NOL4: variants seen among roughly 807,000 people sequenced by gnomAD.
NOL4 encodes nucleolar protein 4.
NOL4 carries 17 observed loss-of-function variants against 75.9 expected under a neutral mutation model. The observed-to-expected ratio is 0.22, with a 90% CI of 0.15 to 0.34. The LOEUF is 0.34. NOL4 is among the 10% of genes least tolerant of loss of function. The pLI is 1.00. For synonymous variants in NOL4, 292 were observed against 289.9 expected, an observed-to-expected ratio of 1.01 and a Z score of -0.07; for missense variants, 614 against 793.5, an observed-to-expected ratio of 0.77 and a Z score of 2.72.
At chr18:34,041,226 T>C (rs1444170053) in intron 5 of NOL4, among the ~76,000 whole-genome samples, 1 of 151,486 alleles carries the variant, frequency 6.6e-6, no homozygotes, top group Non-Finnish European at 1.5e-5. Flanking sequence ...AAATCAAGTC[T>C]TGAGGTCAAC....
At chr18:33,963,261 A>G (rs1276533533) in intron 6 of NOL4, among the ~76,000 whole-genome samples, 1 of 152,148 alleles carries the variant, frequency 6.6e-6, no homozygotes, top group Non-Finnish European at 1.5e-5. Context: ...CATATCCCTC[A>G]CAGAATCCAA....
chr18:33,901,468 T>TTG (rs2065745250), intron 9 of NOL4, among the ~76,000 whole-genome samples: 1 of 152,084 alleles, frequency 6.6e-6, no homozygotes, highest in Non-Finnish European at 1.5e-5. Flanking sequence ...AGTGAAAGAA[T>TTG]TGAGTACATG....
At chr18:34,031,255 G>A (rs1568244892) in intron 5 of NOL4, among the ~76,000 whole-genome samples, 1 of 152,168 alleles carries the variant, frequency 6.6e-6, no homozygotes, top group African/African-American at 2.4e-5. Flanking sequence ...CCCTACTGCA[G>A]TGCTTCTCAA....
At position 34,154,254 on chromosome 18, in the gene NOL4, T is replaced by C. The variant is rs566303464; in HGVS notation, c.265-24234A>G. 3.3e-5 allele frequency among the ~76,000 whole-genome samples: 5 copies of C among 152,112 alleles called. No homozygotes were observed. The East Asian group carries it at 9.7e-4, about 29-fold the overall frequency. On this transcript the variant is annotated intron_variant, in intron 1 of 10. Transcript: ENST00000261592. ...AGTCTTTAAAAAAATAATTGAAATA[T>C]AACTAAGACAAAATGCACAAAATAT... is the stretch of plus-strand genomic sequence containing the variant.
chr18:34,221,787 T>A (rs2037325008), intron 1 of NOL4, among the ~76,000 whole-genome samples: 1 of 152,006 alleles, frequency 6.6e-6, no homozygotes, highest in South Asian at 2.1e-4. Flanking sequence ...AATAATGCTT[T>A]AAAAAAAACT....
At chr18:33,921,458 T>C (rs888576374) in intron 9 of NOL4, among the ~76,000 whole-genome samples, 7 of 152,182 alleles carry the variant, frequency 4.6e-5, no homozygotes, top group Middle Eastern at 3.2e-3. Context: ...TACCTATCAA[T>C]GTGATCTGAA....
chr18:34,026,630 C>A (rs1395147865), intron 5 of NOL4, among the ~76,000 whole-genome samples: 1 of 152,156 alleles, frequency 6.6e-6, no homozygotes, highest in Non-Finnish European at 1.5e-5. Flanking sequence ...GATATAATTT[C>A]TTTTCCTTTA....
intron 10 of NOL4, among the ~76,000 whole-genome samples, chr18:33,853,988 T>C (rs185239391): frequency 6.6e-6 from 1 of 152,282 alleles, no homozygotes; most frequent in Non-Finnish European, 1.5e-5. Flanking sequence ...ACTTCTTAGC[T>C]GACATTAAGC....
chr18:33,882,116 A>T (rs1246634477), intron 10 of NOL4, among the ~76,000 whole-genome samples: 3 of 152,218 alleles, frequency 2.0e-5, no homozygotes, highest in African/African-American at 7.2e-5. Context: ...AAGAAAACCT[A>T]GGCATTACCA....
intron 1 of NOL4, among the ~76,000 whole-genome samples, chr18:34,144,142 T>C (rs2081304982): frequency 6.6e-6 from 1 of 152,064 alleles, no homozygotes; most frequent in African/African-American, 2.4e-5. Flanking sequence ...TATATAAAAA[T>C]AATTATTCAT....
chr18:33,900,248 C>T (rs1015632684), intron 9 of NOL4, among the ~76,000 whole-genome samples: 1 of 152,088 alleles, frequency 6.6e-6, no homozygotes, highest in Non-Finnish European at 1.5e-5. Flanking sequence ...GGCTCTTAAA[C>T]AACCAGCTCT....
chr18:33,977,802 C>T (rs180868466), intron 6 of NOL4, among the ~76,000 whole-genome samples: 1 of 152,188 alleles, frequency 6.6e-6, no homozygotes, highest in Non-Finnish European at 1.5e-5. Flanking sequence ...CAGACAAAAT[C>T]CCCCCAATCT....
At chr18:34,222,113 T>C (rs925317372) in intron 1 of NOL4, 67 of 1,534,370 alleles carry the variant, frequency 4.4e-5, no homozygotes, top group Non-Finnish European at 5.4e-5. Context: ...TCGACGCTGC[T>C]GCGGCTCCCC....
intron 2 of NOL4, among the ~76,000 whole-genome samples, chr18:34,107,310 T>G (rs1348938455): frequency 1.3e-5 from 2 of 152,166 alleles, no homozygotes; most frequent in Admixed American, 1.3e-4. Flanking sequence ...ATGTTTGTGT[T>G]CATGTATACA....
chr18:34,180,750 T>C (rs1212273645), intron 1 of NOL4, among the ~76,000 whole-genome samples: 1 of 151,558 alleles, frequency 6.6e-6, no homozygotes, highest in Admixed American at 6.6e-5. Context: ...TAATAAATGA[T>C]GTCAATATTT....
At chr18:34,052,490 A>G (rs2076665902) in intron 5 of NOL4, among the ~76,000 whole-genome samples, 1 of 152,096 alleles carries the variant, frequency 6.6e-6, no homozygotes, top group South Asian at 2.1e-4. Flanking sequence ...AAACACAAAC[A>G]TAGAGGAAAA....
At chr18:34,160,626 T>A (rs2031313854) in intron 1 of NOL4, among the ~76,000 whole-genome samples, 1 of 152,198 alleles carries the variant, frequency 6.6e-6, no homozygotes, top group African/African-American at 2.4e-5. Context: ...AATGAATTCT[T>A]ATATATGTGG....
At chr18:34,099,215 T>G (rs910116273) in intron 4 of NOL4, among the ~76,000 whole-genome samples, 1 of 151,274 alleles carries the variant, frequency 6.6e-6, no homozygotes, top group African/African-American at 2.4e-5. Flanking sequence ...ATACAAAAAT[T>G]AGCCTGGCAT....
At chr18:34,109,321 G>A (rs1256673977) in intron 2 of NOL4, among the ~76,000 whole-genome samples, 5 of 151,898 alleles carry the variant, frequency 3.3e-5, no homozygotes, top group African/African-American at 1.2e-4. Context: ...AACAAGCCTG[G>A]GTAATATAGT....
Sources: allele counts gnomAD v4.1 joint callset (sites outside exome capture counted in the v4.1 genomes callset), GRCh38; gene constraint gnomAD v4.1.1; transcripts MANE v1.5; gene names NCBI Gene and HGNC (gene_info 2026-07-23, HGNC 2026-07-21).